RNF150: variants seen among roughly 807,000 people sequenced by gnomAD.
RNF150 encodes the protein ring finger protein 150.
A neutral mutation model predicts 39.3 loss-of-function variants in RNF150; 24 were observed. The observed-to-expected ratio is 0.61, with a 90% CI of 0.44 to 0.86. The LOEUF (loss-of-function observed/expected upper bound fraction) is 0.86, where lower values mean the gene tolerates loss of function less well. Among genes scored for constraint, RNF150 ranks in the 40% least tolerant of loss-of-function variants. The probability of loss-of-function intolerance (pLI) is 0.00; values close to 1 mark genes in which losing one functional copy is unlikely to be tolerated. For synonymous variants in RNF150, 255 were observed against 227.3 expected (o/e 1.12, Z -1.10); for missense variants, 502 against 587.8 (o/e 0.85, Z 1.51).
intron 6 of RNF150, among the ~76,000 whole-genome samples, chr4:140,876,900 C>T (rs554601978): frequency 1.4e-4 from 22 of 152,314 alleles, no homozygotes; most frequent in African/African-American, 3.4e-4. Context: ...GACAGTTTTG[C>T]CTTTTCAATT....
Position 140,868,631 on chromosome 4 carries a change from C to T in RNF150, c.1199-252G>A, listed in dbSNP as rs17006564. ...TCTTAGTAGGAAAATATATATCTAC[C>T]GTAAGTTGGGCAAGAAATTCTATTT... On this transcript the variant is annotated intron_variant, in intron 6 of 6. Coordinates refer to ENST00000515673, the MANE Select transcript of RNF150 (RefSeq NM_020724.2). Among the ~76,000 whole-genome samples the T allele has an allele frequency of 0.036, 5,427 of 151,920 alleles. 340 individuals carry two copies. Among genetic ancestry groups the T allele is most frequent in the African/African-American group, 0.12 (5,159 of 41,392 alleles).
intron 1 of RNF150, among the ~76,000 whole-genome samples, chr4:140,997,524 C>T (rs1579038551): frequency 6.6e-6 from 1 of 152,176 alleles, no homozygotes; most frequent in East Asian, 1.9e-4. Context: ...AAGAAGGAAT[C>T]AACTCTGCTG....
chr4:141,003,198 T>C (rs1560681673), intron 1 of RNF150, among the ~76,000 whole-genome samples: 1 of 152,068 alleles, frequency 6.6e-6, no homozygotes, highest in East Asian at 1.9e-4. Context: ...GAAAGGGCCA[T>C]GGGAATATTT....
Position 141,033,427 on chromosome 4 carries a change from T to G in RNF150, c.485-65554A>C, listed in dbSNP as rs1032849656. The stretch of plus-strand genomic sequence containing the variant: ...GCAGTGACTTCCTCCACTGAAGTCT[T>G]GAACCCCCAAAGTCGCCCATGAGAA... On this transcript the variant is annotated intron_variant, in intron 1 of 6. Coordinates refer to ENST00000515673, the MANE Select transcript of RNF150 (RefSeq NM_020724.2). Among the ~76,000 whole-genome samples the G allele has an allele frequency of 2.6e-5, 4 of 152,188 alleles. No homozygotes were observed. In the East Asian group the frequency reaches 5.8e-4, roughly 22 times the overall value.
chr4:141,156,605 T>A (rs1397682773), intron 1 of RNF150, among the ~76,000 whole-genome samples: 1 of 151,908 alleles, frequency 6.6e-6, no homozygotes, highest in Non-Finnish European at 1.5e-5. Context: ...TTAAAAATAT[T>A]TGTGCAGGCC....
At chr4:141,044,595 C>A (rs1736494011) in intron 1 of RNF150, among the ~76,000 whole-genome samples, 1 of 152,168 alleles carries the variant, frequency 6.6e-6, no homozygotes, top group African/African-American at 2.4e-5. Flanking sequence ...AAAACCTTGT[C>A]TTGGACTGGA....
Position 140,867,841 on chromosome 4 carries a change from G to T in RNF150, c.*420C>A, listed in dbSNP as rs1728773125. ...TGGAGTGCATCAAAGGAAAAACAAAGGAATAGATGGAAAGTAAACTACAAA... is the reference window on the plus strand; with the variant it reads ...TGGAGTGCATCAAAGGAAAAACAAATGAATAGATGGAAAGTAAACTACAAA... On this transcript the variant is annotated 3_prime_UTR_variant, in exon 7 of 7. Coordinates refer to ENST00000515673, the MANE Select transcript of RNF150 (RefSeq NM_020724.2). 1 of 156,520 alleles carries T rather than the reference G, an allele frequency of 6.4e-6. No homozygotes were observed. The highest frequency in any genetic ancestry group is 1.9e-4 in the East Asian group (1 of 5,286). 9.7% of individuals were successfully genotyped at this position (156,520 alleles called of 1,614,324 possible).
rs376270022 is a variant in RNF150 at position 140,941,110 on chromosome 4, G to C, written c.890+6544C>G. ...AGAATAGAGACATAAAACAGAGTAA[G>C]AGATGGGGCTAAAAAACACCTTTTG... On this transcript the variant is annotated intron_variant, in intron 4 of 6. Transcript: ENST00000515673. Among the ~76,000 whole-genome samples the C allele has an allele frequency of 2.6e-5, 4 of 152,318 alleles. No individual in the cohort carries two copies. In the East Asian group the frequency reaches 7.7e-4, roughly 29 times the overall value.
chr4:141,124,416 G>A (rs899122639), intron 1 of RNF150, among the ~76,000 whole-genome samples: 10 of 152,216 alleles, frequency 6.6e-5, no homozygotes, highest in Admixed American at 3.3e-4. Context: ...GATCACATTA[G>A]TAAAGAGAAC....
chr4:141,056,068 A>G (rs2110904700), intron 1 of RNF150, among the ~76,000 whole-genome samples: 1 of 152,336 alleles, frequency 6.6e-6, no homozygotes, highest in African/African-American at 2.4e-5. Context: ...CAAATTTTGC[A>G]TAAATTATTT....
chr4:140,921,122 C>A (rs1412008713), intron 5 of RNF150, among the ~76,000 whole-genome samples: 3 of 150,520 alleles, frequency 2.0e-5, no homozygotes, highest in Admixed American at 1.3e-4. Context: ...ATGGCACATG[C>A]ATACATATGT....
At chr4:141,151,907 A>G (rs1028453329) in intron 1 of RNF150, among the ~76,000 whole-genome samples, 6 of 152,210 alleles carry the variant, frequency 3.9e-5, no homozygotes, top group African/African-American at 1.4e-4. Context: ...AGCTGTTCTA[A>G]TTGATTTACC....
chr4:140,881,719 C>G (rs76038738), intron 6 of RNF150, among the ~76,000 whole-genome samples: 2,264 of 151,992 alleles, frequency 0.015, 64 homozygotes, highest in African/African-American at 0.052. Flanking sequence ...TATGAAAAAC[C>G]AAACAAAGCA....
intron 4 of RNF150, among the ~76,000 whole-genome samples, chr4:140,938,533 A>G (rs1731948988): frequency 6.6e-6 from 1 of 152,176 alleles, no homozygotes; most frequent in South Asian, 2.1e-4. Context: ...AATGAGGATA[A>G]GGAAGCTCTG....
intron 1 of RNF150, among the ~76,000 whole-genome samples, chr4:141,043,553 A>C (rs58617388): frequency 0.048 from 7,279 of 152,218 alleles, 601 homozygotes; most frequent in African/African-American, 0.16. Context: ...AGACTAAAAA[A>C]ATGTAAGTGC....
At chr4:140,904,748 C>G (rs982287493) in intron 6 of RNF150, among the ~76,000 whole-genome samples, 3 of 152,268 alleles carry the variant, frequency 2.0e-5, no homozygotes, top group East Asian at 3.9e-4. Context: ...TACAGAGATT[C>G]CCTGAAAAAG....
intron 3 of RNF150, 31 bp downstream of exon 3, chr4:140,949,270 C>G (rs772009389): frequency 4.0e-5 from 63 of 1,565,564 alleles, no homozygotes; most frequent in Middle Eastern, 3.4e-4. Context: ...TTGAATAGCT[C>G]CTCACCAAAA....
At chr4:141,039,547 T>C (rs1479582552) in intron 1 of RNF150, among the ~76,000 whole-genome samples, 1 of 152,132 alleles carries the variant, frequency 6.6e-6, no homozygotes, top group Non-Finnish European at 1.5e-5. Context: ...GAATGTATTA[T>C]AAAATTAAAT....
chr4:141,082,755 AT>A (rs1437442763), intron 1 of RNF150, among the ~76,000 whole-genome samples: 1 of 151,556 alleles, frequency 6.6e-6, no homozygotes, highest in Non-Finnish European at 1.5e-5. Flanking sequence ...CGCCCGGCTA[AT>A]TTTTTGTATT....
Sources: allele counts gnomAD v4.1 joint callset (sites outside exome capture counted in the v4.1 genomes callset), GRCh38; gene constraint gnomAD v4.1.1; transcripts MANE v1.5; gene names NCBI Gene and HGNC (gene_info 2026-07-23, HGNC 2026-07-21).